The following PITX1 variants were observed in gnomAD, a reference collection of about 807,000 sequenced individuals.
PITX1 encodes the protein paired like homeodomain 1, also known as pituitary homeobox 1.
A neutral mutation model predicts 24.1 loss-of-function variants in PITX1; 5 were observed. That is an observed-to-expected ratio of 0.21 (90% CI 0.11 to 0.44). The LOEUF (loss-of-function observed/expected upper bound fraction) is 0.44. PITX1 is among the 20% of genes least tolerant of loss of function. The pLI, the probability that PITX1 is intolerant of heterozygous loss-of-function variation, is 0.99. For missense variants in PITX1, 401 were observed against 455.4 expected, an observed-to-expected ratio of 0.88 and a Z score of 1.09; for synonymous variants, 213 against 208.9, an observed-to-expected ratio of 1.02 and a Z score of -0.17.
chr5:135,033,694 C>G lies in PITX1; in HGVS notation c.169+19G>C. 6.3e-7 allele frequency: 1 copy of G among 1,593,336 alleles called. No homozygotes were observed. ...GCCCGGGTAGGCTCTGTGCGCGCCGCGCGGGGAACGGCGCTTACCTGGCAG... is the reference window on the plus strand; with the variant it reads ...GCCCGGGTAGGCTCTGTGCGCGCCGGGCGGGGAACGGCGCTTACCTGGCAG... On this transcript the variant is annotated intron_variant, in intron 1 of 2. Transcript: ENST00000265340. This position sits in a 1 kb window ranked among gnomAD's most constrained non-coding sequence, Gnocchi z 5.9.
intron 2 of PITX1, among the ~76,000 whole-genome samples, chr5:135,030,972 G>A (rs1464024482): frequency 1.3e-5 from 2 of 152,214 alleles, no homozygotes; most frequent in African/African-American, 4.8e-5. Flanking sequence ...ACATCTGAGT[G>A]GGTCCTGGGC....
chr5:135,031,762 AG>A (rs1752455658), intron 1 of PITX1: 1 of 589,564 alleles, frequency 1.7e-6, no homozygotes, highest in African/African-American at 1.9e-5. Flanking sequence ...CTGGCTGGGC[AG>A]GGCCTGCACC....
intron 2 of PITX1, among the ~76,000 whole-genome samples, chr5:135,029,733 C>T (rs1256921274): frequency 1.3e-5 from 2 of 152,192 alleles, no homozygotes; most frequent in Non-Finnish European, 2.9e-5. Context: ...CTTTCCGACT[C>T]CCCCAATTCT....
At position 135,028,328 on chromosome 5, in the gene PITX1, C is replaced by A. The variant is rs1002723358; in HGVS notation, c.*451G>T. 6.5e-6 allele frequency: 1 copy of A among 152,722 alleles called. No individual in the cohort carries two copies. The highest frequency in any genetic ancestry group is 1.5e-5 in the Non-Finnish European group (1 of 68,404). 9.5% of individuals were successfully genotyped at this position (152,722 alleles called of 1,614,324 possible). A position where few individuals can be genotyped will look rare whatever the true frequency, so the allele number is the denominator to read the frequency against. On this transcript the variant is annotated 3_prime_UTR_variant, in exon 3 of 3. Coordinates refer to ENST00000265340, the MANE Select transcript of PITX1 (RefSeq NM_002653.5). ...CAAGTCCAGGCCCCGCACATCCAGT[C>A]CGCAGGCCCGGCCACTCAGTCCGGA...
chr5:135,029,843 C>T (rs1752418748), intron 2 of PITX1, among the ~76,000 whole-genome samples: 1 of 152,192 alleles, frequency 6.6e-6, no homozygotes, highest in Non-Finnish European at 1.5e-5. Context: ...TCAGTCCACC[C>T]CACTGTCTGA....
At chr5:135,029,813 C>T (rs1160947965) in intron 2 of PITX1, among the ~76,000 whole-genome samples, 1 of 152,154 alleles carries the variant, frequency 6.6e-6, no homozygotes, top group African/African-American at 2.4e-5. Context: ...TTCTTTTTGG[C>T]TCCAAATGTT....
chr5:135,032,677 A>C (rs931369565), intron 1 of PITX1, among the ~76,000 whole-genome samples: 1 of 152,254 alleles, frequency 6.6e-6, no homozygotes, highest in African/African-American at 2.4e-5. Context: ...TTGGTTCAAA[A>C]AAATCAATAT....
At position 135,034,214 on chromosome 5, in the gene PITX1, G is replaced by C. The variant is rs998966654; in HGVS notation, c.-333C>G. 7.9e-5 allele frequency: 12 copies of C among 151,612 alleles called. No homozygotes were observed. In the East Asian group the frequency reaches 2.2e-3, roughly 27 times the overall value. 9.4% of individuals were successfully genotyped at this position (151,612 alleles called of 1,614,324 possible). Reference sequence around the variant, plus strand: ...GGTTTCTAAGGCTCCGGACGGCGCCGGCAGAGTCTGTCTTAAAGCGACAGC... The same window carrying C: ...GGTTTCTAAGGCTCCGGACGGCGCCCGCAGAGTCTGTCTTAAAGCGACAGC... On this transcript the variant is annotated 5_prime_UTR_variant, in exon 1 of 3. Coordinates refer to ENST00000265340, the MANE Select transcript of PITX1 (RefSeq NM_002653.5).
Position 135,033,779 on chromosome 5 carries a change from G to C in PITX1, c.103C>G (p.Arg35Gly), listed in dbSNP as rs776544846. The stretch of plus-strand genomic sequence containing the variant: ...AGCGGCTCGCGGGGGTCGGCGGGCC[G>C]GGCCAGGTGGAAGGCGGGCCCCATG... ...HDMGPAFHLA[R>G]PADPREPLEN... Residue 35 changes from arginine to glycine, a missense_variant, in exon 1 of 3, where the codon CGG becomes GGG. Physicochemically the swap from Arg to Gly is moderately radical, Grantham distance 125 (BLOSUM62 -2). This residue lies in a region of PITX1 where 136 missense variants were observed against 133.3 expected (regional missense o/e 1.02). Coordinates refer to ENST00000265340, the MANE Select transcript of PITX1 (RefSeq NM_002653.5). This position sits in a 1 kb window ranked among gnomAD's most constrained non-coding sequence, Gnocchi z 5.9. 6.3e-7 allele frequency: 1 copy of C among 1,585,760 alleles called. No homozygotes were observed. The highest frequency in any genetic ancestry group is 8.5e-7 in the Non-Finnish European group (1 of 1,173,608).
chr5:135,029,403 C>G, intron 2 of PITX1, 82 bp from the exon 3 acceptor site: 1 of 1,164,626 alleles, frequency 8.6e-7, no homozygotes, highest in Non-Finnish European at 1.2e-6. Context: ...CTGGAGCCTT[C>G]CGTCGGCCCG....
intron 2 of PITX1, 87 bp downstream of exon 2, chr5:135,031,189 T>C (rs1752439808): frequency 1.0e-6 from 1 of 975,722 alleles, no homozygotes; most frequent in Non-Finnish European, 1.6e-6. Context: ...GAAGTTCTGC[T>C]TGTGGGTCTA....
chr5:135,028,214 AACACGGATCCG>A lies in PITX1; in HGVS notation c.*554_*564del, dbSNP rs1235383801. On this transcript the variant is annotated 3_prime_UTR_variant, in exon 3 of 3. Coordinates refer to ENST00000265340, the MANE Select transcript of PITX1 (RefSeq NM_002653.5). ...TCCCCCCAAACCCAACGCCCGCCCCAACACGGATCCGACTCGAGCTAAGGCGCTCTCGGCCG... is the reference window on the plus strand; with the variant it reads ...TCCCCCCAAACCCAACGCCCGCCCCAACTCGAGCTAAGGCGCTCTCGGCCG... 1 of 152,282 alleles carries A rather than the reference AACACGGATCCG, an allele frequency of 6.6e-6. No individual in the cohort carries two copies. The highest frequency in any genetic ancestry group is 2.4e-5 in the African/African-American group (1 of 41,444). The allele number at this position is 152,282 out of a possible 1,614,324, so 9.4% of individuals were successfully genotyped here. A position where few individuals can be genotyped will look rare whatever the true frequency, so the allele number is the denominator to read the frequency against.
At chr5:135,031,726 G>A in intron 1 of PITX1, 1 of 595,224 alleles carries the variant, frequency 1.7e-6, no homozygotes, top group Non-Finnish European at 3.0e-6. Context: ...CCCAAGAATC[G>A]GAGCTGGAGC....
Position 135,028,830 on chromosome 5 carries a change from G to T in PITX1, c.894C>A (p.Gly298=), listed in dbSNP as rs1476739343. 11 of 1,612,976 alleles carry T rather than the reference G, an allele frequency of 6.8e-6. No homozygotes were observed. The highest frequency in any genetic ancestry group is 9.3e-6 in the Non-Finnish European group (11 of 1,179,718). The part of the protein sequence containing the change: ...KSKQHSSFGY[G]GLQGPASGLN... ...GGCCCGAGGCCGGGCCCTGCAGGCC[G>T]CCGTAGCCAAACGACGAGTGCTGTT... Residue 298 remains glycine, a synonymous_variant, in exon 3 of 3, where the codon GGC becomes GGA. Transcript: ENST00000265340.
upstream of PITX1, chr5:135,034,425 C>G (rs1225495721): frequency 2.0e-5 from 3 of 152,192 alleles, no homozygotes; most frequent in African/African-American, 7.3e-5. Context: ...CGCCCTCCCC[C>G]TCCGCAGCCA....
At chr5:135,034,782 C>T (rs924754563), upstream of PITX1, 2 of 152,206 alleles carry the variant, frequency 1.3e-5, no homozygotes, top group African/African-American at 4.8e-5. Flanking sequence ...GGCCGCCTGC[C>T]CCTCCTTCTC....
chr5:135,030,773 T>C (rs1054119003), intron 2 of PITX1, among the ~76,000 whole-genome samples: 3 of 152,184 alleles, frequency 2.0e-5, no homozygotes, highest in Non-Finnish European at 4.4e-5. Context: ...TTAGAGAATC[T>C]GCTTATGAGA....
chr5:135,032,794 C>T (rs1305171412), intron 1 of PITX1: 1 of 307,586 alleles, frequency 3.3e-6, no homozygotes, highest in Non-Finnish European at 6.4e-6. Context: ...TTTAACCAAG[C>T]AAACAACCTC....
chr5:135,028,441 CGGAGTGGGCCTCCGG>C lies in PITX1; in HGVS notation c.*323_*337del, dbSNP rs1447543097. 1 of 145,702 alleles carries C rather than the reference CGGAGTGGGCCTCCGG, an allele frequency of 6.9e-6. No individual in the cohort carries two copies. The highest frequency in any genetic ancestry group is 2.1e-4 in the East Asian group (1 of 4,822). The allele number at this position is 145,702 out of a possible 1,614,324, so 9.0% of individuals were successfully genotyped here. A position where few individuals can be genotyped will look rare whatever the true frequency, so the allele number is the denominator to read the frequency against. On this transcript the variant is annotated 3_prime_UTR_variant, in exon 3 of 3. Coordinates refer to ENST00000265340, the MANE Select transcript of PITX1 (RefSeq NM_002653.5). The stretch of plus-strand genomic sequence containing the variant: ...CGCCTACCGCGCCGCGTGCCCTCCG[CGGAGTGGGCCTCCGG>C]GGCCCGTGGGAACACACACACCACC...
Sources: gnomAD v4.1 joint callset for allele counts (sites outside exome capture counted in the v4.1 genomes callset) on GRCh38, gnomAD v4.1.1 for gene constraint, gnomAD v4.1.1 regional missense constraint, Gnocchi (gnomAD v3.1) non-coding constraint, MANE v1.5 for transcripts, NCBI Gene and HGNC (gene_info 2026-07-23, HGNC 2026-07-21) for gene names.